The following HIBCH variants were observed in gnomAD, a reference collection of about 807,000 sequenced individuals.
HIBCH encodes 3-hydroxyisobutyryl-CoA hydrolase.
In HIBCH, 50 loss-of-function variants were observed where a neutral mutation model predicts 58.2. That is an observed-to-expected ratio of 0.86 (90% CI 0.68 to 1.09). HIBCH has a LOEUF of 1.09. Among genes scored for constraint, HIBCH ranks in the 50% least tolerant of loss-of-function variants. The probability of loss-of-function intolerance (pLI) is 0.00; values close to 1 mark genes in which losing one functional copy is unlikely to be tolerated. For synonymous variants in HIBCH, 151 were observed against 146.9 expected, an observed-to-expected ratio of 1.03 and a Z score of -0.20; for missense variants, 450 against 449.7, an observed-to-expected ratio of 1.00 and a Z score of -0.01.
At chr2:190,291,901 GAT>G (rs1173931132) in intron 4 of HIBCH, among the ~76,000 whole-genome samples, 1 of 152,212 alleles carries the variant, frequency 6.6e-6, no homozygotes, top group Non-Finnish European at 1.5e-5. Context: ...ACATTTCATA[GAT>G]ATGTTTCCTC....
intron 13 of HIBCH, among the ~76,000 whole-genome samples, chr2:190,205,552 C>T (rs531758844): frequency 1.7e-3 from 253 of 152,084 alleles, no homozygotes; most frequent in African/African-American, 5.9e-3. Flanking sequence ...GCCAGTGAAA[C>T]CTCCACATTA....
chr2:190,224,812 C>T (rs1685842030), intron 11 of HIBCH, among the ~76,000 whole-genome samples: 1 of 152,122 alleles, frequency 6.6e-6, no homozygotes. Flanking sequence ...AACTCTCCAC[C>T]CCAAATCAAC....
intron 1 of HIBCH, among the ~76,000 whole-genome samples, chr2:190,314,391 GTA>G (rs1428720018): frequency 0.065 from 1,976 of 30,496 alleles, 68 homozygotes; most frequent in African/African-American, 0.2. Flanking sequence ...GTATATATAT[GTA>G]TATATATACG....
chr2:190,290,604 TA>T lies in HIBCH; in HGVS notation c.305-120del, dbSNP rs1687935190. ...AAGGGAGTACTCTAAAATGACTTGTTAAAAGTTTTGAAGTTGCCCCTGCCAC... is the reference window on the plus strand; with the variant it reads ...AAGGGAGTACTCTAAAATGACTTGTTAAAGTTTTGAAGTTGCCCCTGCCAC... On this transcript the variant is annotated intron_variant, in intron 4 of 13. Transcript: ENST00000359678. 6.9e-6 allele frequency: 5 copies of T among 724,660 alleles called. No individual in the cohort carries two copies. In the African/African-American group the frequency reaches 8.9e-5, roughly 13 times the overall value. The allele number at this position is 724,660 out of a possible 1,614,324, so 44.9% of individuals were successfully genotyped here.
intron 1 of HIBCH, among the ~76,000 whole-genome samples, chr2:190,316,201 G>C (rs968874628): frequency 6.6e-6 from 1 of 152,162 alleles, no homozygotes; most frequent in Admixed American, 6.5e-5. Flanking sequence ...CTGGAGTGCA[G>C]TGGTATGATA....
At chr2:190,230,359 A>G (rs1378059541) in intron 11 of HIBCH, among the ~76,000 whole-genome samples, 1 of 152,266 alleles carries the variant, frequency 6.6e-6, no homozygotes, top group Non-Finnish European at 1.5e-5. Context: ...GATATTACGA[A>G]CAACATTTCC....
At chr2:190,190,075 T>TAA (rs1446370614) in intron 1 of HIBCH, 4 of 152,210 alleles carry the variant, frequency 2.6e-5, no homozygotes, top group Admixed American at 1.3e-4. Context: ...TATATCTTAT[T>TAA]AAAGTAAAAA....
chr2:190,307,312 G>GAAGTTT (rs1688439117), intron 2 of HIBCH, among the ~76,000 whole-genome samples: 1 of 152,124 alleles, frequency 6.6e-6, no homozygotes, highest in Non-Finnish European at 1.5e-5. Flanking sequence ...AATGAAAATA[G>GAAGTTT]AAGTTTTCTC....
intron 2 of HIBCH, among the ~76,000 whole-genome samples, chr2:190,300,545 T>C (rs1163554750): frequency 1.3e-5 from 2 of 152,246 alleles, no homozygotes; most frequent in Non-Finnish European, 1.5e-5. Context: ...AAGTTTCTTA[T>C]AGATGCTGGA....
intron 6 of HIBCH, among the ~76,000 whole-genome samples, chr2:190,286,387 C>A (rs935376391): frequency 7.9e-5 from 12 of 152,294 alleles, no homozygotes; most frequent in African/African-American, 2.9e-4. Flanking sequence ...TTTCTGAAGG[C>A]TCCCATGTCA....
At position 190,288,698 on chromosome 2, in the gene HIBCH, C is replaced by A. The variant is rs552210221; in HGVS notation, c.386-1060G>T. On this transcript the variant is annotated intron_variant, in intron 5 of 13. Transcript: ENST00000359678. ...AACACAAAGTAAAAATCTTTTAGTT[C>A]AAACTTAAAATAAAAGCTAAAAAAC... Among the ~76,000 whole-genome samples the A allele has an allele frequency of 1.3e-3, 198 of 152,066 alleles. 1 individual carries two copies. The highest frequency in any genetic ancestry group is 1.8e-3 in the Non-Finnish European group (122 of 67,976).
Position 190,290,301 on chromosome 2 carries a change from A to G in HIBCH, c.385+104T>C, listed in dbSNP as rs1372843357. On this transcript the variant is annotated intron_variant, in intron 5 of 13. Coordinates refer to ENST00000359678, the MANE Select transcript of HIBCH (RefSeq NM_014362.4). ...TACTTATGCCTGGCACATGGTATTA[A>G]AAGTTTAAGTAAGGATGCCTATTGA... 7 of 798,434 alleles carry G rather than the reference A, an allele frequency of 8.8e-6. No individual in the cohort carries two copies. In the East Asian group the frequency reaches 1.3e-4, roughly 14 times the overall value. The allele number at this position is 798,434 out of a possible 1,614,324, so 49.5% of individuals were successfully genotyped here. A position where few individuals can be genotyped will look rare whatever the true frequency, so the allele number is the denominator to read the frequency against.
intron 9 of HIBCH, 72 bp from the exon 10 acceptor site, chr2:190,246,284 A>G (rs1025340204): frequency 7.8e-5 from 66 of 848,330 alleles, no homozygotes; most frequent in Non-Finnish European, 1.2e-4. Flanking sequence ...ATATTTAATG[A>G]TACACTTTGT....
Position 190,216,656 on chromosome 2 carries a change from G to A in HIBCH, c.892-3581C>T, listed in dbSNP as rs918344046. On this transcript the variant is annotated intron_variant, in intron 11 of 13. Coordinates refer to ENST00000359678, the MANE Select transcript of HIBCH (RefSeq NM_014362.4). This position sits in a 1 kb window ranked among gnomAD's most constrained non-coding sequence, Gnocchi z 4.2. ...GCCAGAATTCTTTTTATCTAAAATG[G>A]GATTTTTAAATGCTGGTTATCAGTT... 1.3e-5 allele frequency among the ~76,000 whole-genome samples: 2 copies of A among 152,136 alleles called. No individual in the cohort carries two copies. The highest frequency in any genetic ancestry group is 2.9e-5 in the Non-Finnish European group (2 of 68,018).
Position 190,221,373 on chromosome 2 carries a change from G to C in HIBCH, c.892-8298C>G, listed in dbSNP as rs201397545. ...TCGTAAAAATGATATGGCAGTGCAT[G>C]ATGGTGCACTGAAACCAGGCAAAAC... On this transcript the variant is annotated intron_variant, in intron 11 of 13. Transcript: ENST00000359678. Among the ~76,000 whole-genome samples, 19 of 152,334 alleles carry C rather than the reference G, an allele frequency of 1.2e-4. No individual in the cohort carries two copies. The East Asian group carries it at 3.5e-3, about 28-fold the overall frequency.
chr2:190,252,070 G>A (rs1024811778), intron 8 of HIBCH, 92 bp downstream of exon 8: 1 of 1,179,692 alleles, frequency 8.5e-7, no homozygotes, highest in Non-Finnish European at 1.3e-6. Context: ...TTCACCAGAA[G>A]TCTGTGGCTC....
At chr2:190,270,050 C>T (rs560053379) in intron 6 of HIBCH, among the ~76,000 whole-genome samples, 1 of 152,180 alleles carries the variant, frequency 6.6e-6, no homozygotes, top group African/African-American at 2.4e-5. Flanking sequence ...GGGAACATCA[C>T]ACACCGGGGC....
At chr2:190,275,395 G>A (rs1014955145) in intron 6 of HIBCH, among the ~76,000 whole-genome samples, 4 of 152,036 alleles carry the variant, frequency 2.6e-5, no homozygotes, top group Admixed American at 6.6e-5. Flanking sequence ...AAAAGTTCAC[G>A]GAATATGCAT....
At chr2:190,289,118 AAATAAAT>A (rs1316599126) in intron 5 of HIBCH, among the ~76,000 whole-genome samples, 1 of 152,136 alleles carries the variant, frequency 6.6e-6, no homozygotes, top group Non-Finnish European at 1.5e-5. Context: ...CTTAAAAGAT[AAATAAAT>A]AATAAATAAT....
Sources: allele counts gnomAD v4.1 joint callset (sites outside exome capture counted in the v4.1 genomes callset), GRCh38; gene constraint gnomAD v4.1.1; non-coding constraint Gnocchi (gnomAD v3.1); transcripts MANE v1.5; gene names NCBI Gene and HGNC (gene_info 2026-07-23, HGNC 2026-07-21).